Variants in TTC33 observed in about 807,000 individuals in gnomAD.
The protein encoded by TTC33 is tetratricopeptide repeat protein 33.
TTC33 carries 24 observed loss-of-function variants against 29.4 expected under a neutral mutation model. The observed-to-expected ratio is 0.82, with a 90% CI of 0.59 to 1.15. The LOEUF is 1.15. Among genes scored for constraint, TTC33 ranks in the 50% most tolerant of loss-of-function variants. The probability of loss-of-function intolerance (pLI) is 0.00; values close to 1 mark genes in which losing one functional copy is unlikely to be tolerated. For synonymous variants in TTC33, 107 were observed against 100.3 expected, an observed-to-expected ratio of 1.07 and a Z score of -0.40; for missense variants, 286 against 310.4, an observed-to-expected ratio of 0.92 and a Z score of 0.59.
rs555534463 is a variant in TTC33 at position 40,722,698 on chromosome 5, G to A, written c.435+5647C>T. 3.1e-4 allele frequency among the ~76,000 whole-genome samples: 47 copies of A among 151,596 alleles called. 2 individuals carry two copies. The South Asian group carries it at 8.3e-3, about 27-fold the overall frequency. ...CCGCCCAGTCTGGGAAGTGAGGAGC[G>A]TCTCCGCCCGGCCAGCGCCCCGTCC... is the stretch of plus-strand genomic sequence containing the variant. On this transcript the variant is annotated intron_variant, in intron 4 of 4. Transcript: ENST00000337702.
At position 40,714,108 on chromosome 5, in the gene TTC33, G is replaced by C. The variant is rs1741951050; in HGVS notation, c.*2037C>G. Among the ~76,000 whole-genome samples, 3 of 152,200 alleles carry C rather than the reference G, an allele frequency of 2.0e-5. No homozygotes were observed. The highest frequency in any genetic ancestry group is 7.2e-5 in the African/African-American group (3 of 41,472). On this transcript the variant is annotated 3_prime_UTR_variant, in exon 5 of 5. Coordinates refer to ENST00000337702, the MANE Select transcript of TTC33 (RefSeq NM_012382.3). ...CACTAGGTTCTTATAACAGGGCCTA[G>C]TGGCCACATGCATTCCATCCTGAGT...
intron 4 of TTC33, among the ~76,000 whole-genome samples, chr5:40,722,813 G>C (rs1395423715): frequency 1.3e-5 from 2 of 151,370 alleles, no homozygotes; most frequent in South Asian, 2.1e-4. Flanking sequence ...CCATCCGGGA[G>C]GTGGGGGGCG....
intron 2 of TTC33, among the ~76,000 whole-genome samples, chr5:40,735,086 A>T (rs1047834885): frequency 6.6e-6 from 1 of 152,228 alleles, no homozygotes; most frequent in Non-Finnish European, 1.5e-5. Flanking sequence ...GTGGAAAGGA[A>T]ATAAAACCAG....
chr5:40,738,555 A>AAT (rs1296396201), intron 2 of TTC33, among the ~76,000 whole-genome samples: 4 of 138,360 alleles, frequency 2.9e-5, no homozygotes, highest in East Asian at 2.6e-4. Context: ...AATAAAATAA[A>AAT]ATAAAATAAA....
rs1426676332 is a variant in TTC33 at position 40,713,946 on chromosome 5, C to A, written c.*2199G>T. On this transcript the variant is annotated 3_prime_UTR_variant, in exon 5 of 5. Transcript: ENST00000337702. The stretch of plus-strand genomic sequence containing the variant: ...GAGCTAAAATAAGCATTTTGAGGGG[C>A]CTGCAGAAATGAGCTGCCTTCCTTC... Among the ~76,000 whole-genome samples, 2 of 152,148 alleles carry A rather than the reference C, an allele frequency of 1.3e-5. No individual in the cohort carries two copies. The highest frequency in any genetic ancestry group is 2.9e-5 in the Non-Finnish European group (2 of 68,020).
chr5:40,750,376 C>T (rs1042818706), intron 1 of TTC33, among the ~76,000 whole-genome samples: 1 of 151,860 alleles, frequency 6.6e-6, no homozygotes, highest in Non-Finnish European at 1.5e-5. Context: ...TTGAGACCAG[C>T]GAAATCTCAT....
intron 4 of TTC33, among the ~76,000 whole-genome samples, chr5:40,726,460 ATC>A (rs1742289088): frequency 1.3e-5 from 2 of 151,122 alleles, no homozygotes; most frequent in African/African-American, 4.9e-5. Context: ...ATTTTGAGTC[ATC>A]TTTTTTTTTT....
intron 2 of TTC33, among the ~76,000 whole-genome samples, chr5:40,736,333 T>C (rs1742550784): frequency 6.6e-6 from 1 of 152,200 alleles, no homozygotes; most frequent in African/African-American, 2.4e-5. Flanking sequence ...CACAGCAAGA[T>C]CACCCTCAAA....
rs1345778 is a variant in TTC33, at chr5:40,712,695, A to C, written c.*3450T>G. On this transcript the variant is annotated 3_prime_UTR_variant, in exon 5 of 5. Coordinates refer to ENST00000337702, the MANE Select transcript of TTC33 (RefSeq NM_012382.3). Reference sequence around the variant, plus strand: ...ATGACAAATCCACAAAAGGGAAAAAAGAGGCTAGCATGCCCAGTTCTATAT... The same window carrying C: ...ATGACAAATCCACAAAAGGGAAAAACGAGGCTAGCATGCCCAGTTCTATAT... Among the ~76,000 whole-genome samples the C allele has an allele frequency of 0.32, 48,745 of 152,094 alleles. 8,280 individuals are homozygous for C. The highest frequency in any genetic ancestry group is 0.56 in the East Asian group (2,877 of 5,180).
At chr5:40,722,130 G>A (rs527718615) in intron 4 of TTC33, among the ~76,000 whole-genome samples, 4 of 151,700 alleles carry the variant, frequency 2.6e-5, no homozygotes, top group Non-Finnish European at 3.0e-5. Context: ...GCTTAAACCC[G>A]GGAGGCGGAG....
At chr5:40,734,604 T>G (rs530238567) in intron 2 of TTC33, among the ~76,000 whole-genome samples, 1 of 152,152 alleles carries the variant, frequency 6.6e-6, no homozygotes, top group East Asian at 1.9e-4. Context: ...CAAATAGAAA[T>G]GTCAATGTGT....
At chr5:40,736,120 G>T (rs1742544782) in intron 2 of TTC33, among the ~76,000 whole-genome samples, 1 of 152,176 alleles carries the variant, frequency 6.6e-6, no homozygotes, top group Non-Finnish European at 1.5e-5. Context: ...GGGGTCTAGA[G>T]TACAAGTGGA....
intron 2 of TTC33, 65 bp downstream of exon 2, chr5:40,746,733 C>T (rs1367649322): frequency 2.6e-6 from 3 of 1,168,098 alleles, no homozygotes; most frequent in Non-Finnish European, 3.6e-6. Context: ...CTCTTCATCC[C>T]ATTACGGACA....
chr5:40,755,581 C>A (rs1240228168), intron 1 of TTC33, among the ~76,000 whole-genome samples: 1 of 152,226 alleles, frequency 6.6e-6, no homozygotes, highest in Non-Finnish European at 1.5e-5. Context: ...GCCCGACCCT[C>A]AGACTCGCTT....
At chr5:40,720,809 G>A (rs1055524928) in intron 4 of TTC33, among the ~76,000 whole-genome samples, 3 of 152,156 alleles carry the variant, frequency 2.0e-5, no homozygotes, top group Non-Finnish European at 4.4e-5. Flanking sequence ...TCCCAGCACA[G>A]CTCCACAGGA....
At chr5:40,718,768 G>T (rs1050911300) in intron 4 of TTC33, among the ~76,000 whole-genome samples, 1 of 151,726 alleles carries the variant, frequency 6.6e-6, no homozygotes, top group Non-Finnish European at 1.5e-5. Flanking sequence ...GGGTGTAGTG[G>T]TGTATGCCTG....
chr5:40,721,702 C>CA (rs1384558088), intron 4 of TTC33, among the ~76,000 whole-genome samples: 1 of 151,334 alleles, frequency 6.6e-6, no homozygotes, highest in Non-Finnish European at 1.5e-5. Flanking sequence ...CAAAACAAAA[C>CA]AAAAAAACAG....
At chr5:40,736,855 C>T (rs1742562835) in intron 2 of TTC33, among the ~76,000 whole-genome samples, 2 of 152,074 alleles carry the variant, frequency 1.3e-5, no homozygotes, top group African/African-American at 2.4e-5. Flanking sequence ...TGGAGGTAAT[C>T]TGACTTCAAA....
chr5:40,716,570 A>G (rs114861841), intron 4 of TTC33, 72 bp from the exon 5 acceptor site: 1 of 964,696 alleles, frequency 1.0e-6, no homozygotes, highest in African/African-American at 1.6e-5. Flanking sequence ...CTGTGTGTTT[A>G]CGTACATATA....
Sources: gnomAD v4.1 joint callset for allele counts (sites outside exome capture counted in the v4.1 genomes callset) on GRCh38, gnomAD v4.1.1 for gene constraint, MANE v1.5 for transcripts, NCBI Gene and HGNC (gene_info 2026-07-23, HGNC 2026-07-21) for gene names.